Variants in MYO18B observed in about 807,000 individuals in gnomAD.
The protein encoded by MYO18B is unconventional myosin-XVIIIb.
A neutral mutation model predicts 273.0 loss-of-function variants in MYO18B; 204 were observed. The ratio of observed to expected loss-of-function variants is 0.75; its 90% CI spans 0.67 to 0.84. The LOEUF (loss-of-function observed/expected upper bound fraction) is 0.84. Among genes scored for constraint, MYO18B ranks in the 40% least tolerant of loss-of-function variants. The probability of loss-of-function intolerance (pLI) is 0.00; values close to 1 mark genes in which losing one functional copy is unlikely to be tolerated. For synonymous variants in MYO18B, 1,330 were observed against 1,305.7 expected (o/e 1.02, Z -0.40); for missense variants, 3,212 against 3,287.6 (o/e 0.98, Z 0.56).
intron 42 of MYO18B, among the ~76,000 whole-genome samples, chr22:26,005,475 C>T (rs1046746168): frequency 5.3e-5 from 8 of 152,154 alleles, no homozygotes; most frequent in South Asian, 4.1e-4. Flanking sequence ...CAACAACAAC[C>T]GCCTCCAATA....
intron 12 of MYO18B, among the ~76,000 whole-genome samples, chr22:25,800,880 A>C (rs1044846028): frequency 1.3e-5 from 2 of 152,244 alleles, no homozygotes; most frequent in African/African-American, 4.8e-5. Flanking sequence ...TAAATATTTT[A>C]CTAATACTTG....
intron 34 of MYO18B, among the ~76,000 whole-genome samples, chr22:25,943,005 G>A (rs7291115): frequency 0.33 from 49,392 of 151,894 alleles, 8,261 homozygotes; most frequent in Middle Eastern, 0.42. Context: ...CAGGGGCTCC[G>A]AGGACTGGCG....
chr22:25,949,634 C>A (rs921555705), intron 36 of MYO18B, among the ~76,000 whole-genome samples: 16 of 152,180 alleles, frequency 1.1e-4, no homozygotes, highest in African/African-American at 3.9e-4. Context: ...TTGATGATAT[C>A]ATCCACATGG....
intron 34 of MYO18B, among the ~76,000 whole-genome samples, chr22:25,936,376 A>G (rs529460811): frequency 1.3e-5 from 2 of 152,276 alleles, no homozygotes; most frequent in South Asian, 4.1e-4. Flanking sequence ...CCTCAAAGAA[A>G]TAGACTTAAG....
intron 39 of MYO18B, among the ~76,000 whole-genome samples, chr22:25,961,041 TAAGG>T (rs528882239): frequency 4.6e-5 from 7 of 151,196 alleles, no homozygotes; most frequent in Admixed American, 1.3e-4. Flanking sequence ...AGGAAGGAAT[TAAGG>T]AAGGAAGGAA....
rs961928444 is a variant in MYO18B at position 25,845,964 on chromosome 22, A to G, written c.3369-136A>G. On this transcript the variant is annotated intron_variant, in intron 18 of 43. Transcript: ENST00000335473. ...CTGTGAATGAAGGGGAGCAGCTGGG[A>G]CACATGACTGTAGAGGAGGCTTTAG... is the stretch of plus-strand genomic sequence containing the variant. 193 of 726,600 alleles carry G rather than the reference A, an allele frequency of 2.7e-4. 1 individual carries two copies. The highest frequency in any genetic ancestry group is 2.7e-5 in the Non-Finnish European group (13 of 477,666). 45.0% of individuals were successfully genotyped at this position (726,600 alleles called of 1,614,324 possible).
intron 39 of MYO18B, among the ~76,000 whole-genome samples, chr22:25,969,196 G>A (rs1471897231): frequency 2.0e-5 from 3 of 152,168 alleles, no homozygotes; most frequent in South Asian, 2.1e-4. Flanking sequence ...CTTATCTGTT[G>A]GAGAGAGGGT....
chr22:25,789,750 C>T (rs1028007375), intron 11 of MYO18B, among the ~76,000 whole-genome samples: 11 of 152,172 alleles, frequency 7.2e-5, no homozygotes, highest in African/African-American at 2.4e-4. Context: ...AGAAAACAAG[C>T]GCCATTCACC....
At chr22:26,020,356 G>T (rs1935708113) in intron 42 of MYO18B, among the ~76,000 whole-genome samples, 1 of 152,008 alleles carries the variant, frequency 6.6e-6, no homozygotes, top group African/African-American at 2.4e-5. Flanking sequence ...GGTCCAAGCA[G>T]GAGACACTGT....
chr22:25,878,172 C>T, intron 25 of MYO18B, 124 bp downstream of exon 25: 1 of 710,578 alleles, frequency 1.4e-6, no homozygotes, highest in African/African-American at 1.8e-5. Context: ...CCAGAATTAC[C>T]TGTGAGGCAC....
chr22:25,919,117 C>T (rs2092303431), intron 33 of MYO18B, among the ~76,000 whole-genome samples: 1 of 152,166 alleles, frequency 6.6e-6, no homozygotes, highest in South Asian at 2.1e-4. Context: ...TCTTGCCTCT[C>T]CGCCTTTGCT....
intron 21 of MYO18B, among the ~76,000 whole-genome samples, chr22:25,860,039 C>A (rs1276814115): frequency 6.6e-6 from 1 of 152,202 alleles, no homozygotes; most frequent in Non-Finnish European, 1.5e-5. Flanking sequence ...CTATATTCAT[C>A]TTTCTGCATA....
intron 34 of MYO18B, among the ~76,000 whole-genome samples, chr22:25,943,886 A>AT (rs1312108151): frequency 6.6e-6 from 1 of 151,198 alleles, no homozygotes; most frequent in Non-Finnish European, 1.5e-5. Context: ...TACCCGGCTA[A>AT]TTTTTTTGTA....
chr22:25,746,474 T>A (rs2085781529), intron 1 of MYO18B, among the ~76,000 whole-genome samples: 1 of 152,198 alleles, frequency 6.6e-6, no homozygotes, highest in African/African-American at 2.4e-5. Flanking sequence ...GGACCTGTCA[T>A]GTGCTTGGAA....
At chr22:25,886,317 G>A (rs1029666434) in intron 25 of MYO18B, among the ~76,000 whole-genome samples, 2 of 152,206 alleles carry the variant, frequency 1.3e-5, no homozygotes, top group South Asian at 2.1e-4. Flanking sequence ...TGGGGAACCC[G>A]GGAGCCTGCC....
intron 22 of MYO18B, among the ~76,000 whole-genome samples, chr22:25,869,840 G>T (rs938581074): frequency 6.6e-6 from 1 of 152,174 alleles, no homozygotes; most frequent in Non-Finnish European, 1.5e-5. Context: ...TCCTGCTAAG[G>T]TATATGGCGG....
At chr22:25,807,933 G>T (rs1416951205) in intron 12 of MYO18B, among the ~76,000 whole-genome samples, 2 of 152,078 alleles carry the variant, frequency 1.3e-5, no homozygotes, top group Non-Finnish European at 2.9e-5. Flanking sequence ...CTGAGATGCT[G>T]TTTGCCAAGA....
chr22:25,855,559 T>G (rs913564148), intron 21 of MYO18B, among the ~76,000 whole-genome samples: 55 of 152,286 alleles, frequency 3.6e-4, no homozygotes, highest in African/African-American at 1.3e-3. Flanking sequence ...GCATTACAGG[T>G]GTGAGCCACT....
intron 12 of MYO18B, among the ~76,000 whole-genome samples, chr22:25,807,458 A>G (rs1460226091): frequency 6.6e-6 from 1 of 152,122 alleles, no homozygotes; most frequent in Non-Finnish European, 1.5e-5. Flanking sequence ...GTGTATCTGT[A>G]CTTTGGAAGG....
Sources: allele counts gnomAD v4.1 joint callset (sites outside exome capture counted in the v4.1 genomes callset), GRCh38; gene constraint gnomAD v4.1.1; transcripts MANE v1.5; gene names NCBI Gene and HGNC (gene_info 2026-07-23, HGNC 2026-07-21).